The following TMEM178B variants were observed in gnomAD, a reference collection of about 807,000 sequenced individuals.
TMEM178B encodes the protein transmembrane protein 178B.
A neutral mutation model predicts 31.0 loss-of-function variants in TMEM178B; 5 were observed. The ratio of observed to expected loss-of-function variants is 0.16; its 90% CI spans 0.08 to 0.34. TMEM178B has a LOEUF of 0.34. Ranked by LOEUF, TMEM178B falls within the 10% of genes least tolerant of loss-of-function variation. The pLI, the probability that TMEM178B is intolerant of heterozygous loss-of-function variation, is 1.00. For synonymous variants in TMEM178B, 164 were observed against 164.0 expected, an observed-to-expected ratio of 1.00 and a Z score of 0.00; for missense variants, 275 against 400.3, an observed-to-expected ratio of 0.69 and a Z score of 2.67.
At chr7:141,197,747 C>T (rs1356873074) in intron 1 of TMEM178B, among the ~76,000 whole-genome samples, 1 of 152,120 alleles carries the variant, frequency 6.6e-6, no homozygotes, top group African/African-American at 2.4e-5. Flanking sequence ...ATTCTCCTGC[C>T]TCAGCCTCCC....
At chr7:141,258,447 T>C (rs1298474704) in intron 2 of TMEM178B, among the ~76,000 whole-genome samples, 1 of 152,152 alleles carries the variant, frequency 6.6e-6, no homozygotes, top group Non-Finnish European at 1.5e-5. Context: ...GGGCTGCAGG[T>C]TGGACAAGCT....
intron 2 of TMEM178B, among the ~76,000 whole-genome samples, chr7:141,220,310 CAAA>C (rs1797234474): frequency 8.5e-6 from 1 of 118,210 alleles, no homozygotes; most frequent in African/African-American, 3.1e-5. Context: ...AACTCCATCT[CAAA>C]TAATAATAAT....
intron 2 of TMEM178B, among the ~76,000 whole-genome samples, chr7:141,347,985 C>T (rs1414484660): frequency 6.6e-6 from 1 of 152,176 alleles, no homozygotes; most frequent in East Asian, 1.9e-4. Flanking sequence ...AAAGGTCCAC[C>T]TCAATGAGTA....
At chr7:141,292,240 GC>G (rs1381527042) in intron 2 of TMEM178B, among the ~76,000 whole-genome samples, 2 of 152,192 alleles carry the variant, frequency 1.3e-5, no homozygotes, top group South Asian at 2.1e-4. Flanking sequence ...TGCATATGGA[GC>G]ACAGCTGCAA....
At chr7:141,452,772 A>G (rs1438956662) in intron 3 of TMEM178B, among the ~76,000 whole-genome samples, 1 of 152,322 alleles carries the variant, frequency 6.6e-6, no homozygotes, top group East Asian at 1.9e-4. Flanking sequence ...CACTCTATAA[A>G]TGTTCATTTC....
intron 1 of TMEM178B, among the ~76,000 whole-genome samples, chr7:141,135,006 A>G (rs1795653776): frequency 6.6e-6 from 1 of 152,156 alleles, no homozygotes; most frequent in South Asian, 2.1e-4. Flanking sequence ...TGATGGTTTT[A>G]AAAATCGGAG....
chr7:141,366,081 G>T (rs1034176476), intron 2 of TMEM178B, among the ~76,000 whole-genome samples: 1 of 152,204 alleles, frequency 6.6e-6, no homozygotes, highest in Non-Finnish European at 1.5e-5. Flanking sequence ...CTGTATTAGT[G>T]CTTGTTCTCA....
intron 2 of TMEM178B, among the ~76,000 whole-genome samples, chr7:141,416,877 C>T (rs753279322): frequency 1.1e-4 from 16 of 152,206 alleles, no homozygotes; most frequent in South Asian, 1.0e-3. Flanking sequence ...AGCAAAACAC[C>T]GGCAAAATTC....
intron 1 of TMEM178B, among the ~76,000 whole-genome samples, chr7:141,161,213 G>A (rs1796166414): frequency 6.6e-6 from 1 of 152,116 alleles, no homozygotes. Context: ...AGGATGAATG[G>A]GACACAGGAC....
At chr7:141,236,727 A>G (rs1288079658) in intron 2 of TMEM178B, among the ~76,000 whole-genome samples, 1 of 152,210 alleles carries the variant, frequency 6.6e-6, no homozygotes, top group African/African-American at 2.4e-5. Flanking sequence ...CAAAGCAGGA[A>G]AAAGAGGTGA....
intron 1 of TMEM178B, among the ~76,000 whole-genome samples, chr7:141,172,771 A>G (rs1194162769): frequency 1.3e-5 from 2 of 152,234 alleles, no homozygotes; most frequent in East Asian, 3.8e-4. Context: ...AGTCTGCTGT[A>G]CTTAATTTTG....
chr7:141,183,068 T>C (rs1179695017), intron 1 of TMEM178B, among the ~76,000 whole-genome samples: 1 of 152,264 alleles, frequency 6.6e-6, no homozygotes, highest in African/African-American at 2.4e-5. Context: ...GAGAATCATA[T>C]GTGCTTGAAT....
intron 2 of TMEM178B, among the ~76,000 whole-genome samples, chr7:141,264,247 C>T (rs1011201760): frequency 1.3e-5 from 2 of 152,232 alleles, no homozygotes; most frequent in Admixed American, 1.3e-4. Context: ...CCTAGGCAAA[C>T]CAAGACACTG....
chr7:141,251,736 C>T (rs937817869), intron 2 of TMEM178B, among the ~76,000 whole-genome samples: 4 of 152,300 alleles, frequency 2.6e-5, no homozygotes, highest in Non-Finnish European at 5.9e-5. Context: ...CCCCAACCCA[C>T]GGTCCTCTGT....
At chr7:141,369,830 T>C (rs946418674) in intron 2 of TMEM178B, among the ~76,000 whole-genome samples, 3 of 152,018 alleles carry the variant, frequency 2.0e-5, no homozygotes, top group African/African-American at 4.8e-5. Context: ...AGCCATAAAA[T>C]GGAAATATGC....
intron 2 of TMEM178B, among the ~76,000 whole-genome samples, chr7:141,314,307 A>G (rs1417326555): frequency 6.6e-6 from 1 of 152,182 alleles, no homozygotes; most frequent in Non-Finnish European, 1.5e-5. Flanking sequence ...TTTCTCCTGC[A>G]AGATTTTGGG....
intron 2 of TMEM178B, among the ~76,000 whole-genome samples, chr7:141,292,989 C>G (rs377688626): frequency 1.3e-5 from 2 of 151,858 alleles, no homozygotes; most frequent in South Asian, 2.1e-4. Context: ...AAGTGTTGAG[C>G]CTGCAATAGT....
intron 2 of TMEM178B, among the ~76,000 whole-genome samples, chr7:141,410,256 G>T (rs1800958423): frequency 4.6e-5 from 7 of 152,218 alleles, no homozygotes; most frequent in Admixed American, 4.6e-4. Flanking sequence ...GCAGCTGCCA[G>T]CCTAGAGGAG....
chr7:141,143,045 G>C (rs1470297630), intron 1 of TMEM178B, among the ~76,000 whole-genome samples: 1 of 152,074 alleles, frequency 6.6e-6, no homozygotes, highest in Non-Finnish European at 1.5e-5. Context: ...GTCTGTTTAT[G>C]TTTTTTGCCT....
Sources: gnomAD v4.1 joint callset for allele counts (sites outside exome capture counted in the v4.1 genomes callset) on GRCh38, gnomAD v4.1.1 for gene constraint, MANE v1.5 for transcripts, NCBI Gene and HGNC (gene_info 2026-07-23, HGNC 2026-07-21) for gene names.